CUL3: variants seen among roughly 807,000 people sequenced by gnomAD.
CUL3 encodes the protein cullin 3.
Under a neutral mutation model 89.1 loss-of-function variants are expected in CUL3, and 19 were observed. That is an observed-to-expected ratio of 0.21 (90% CI 0.15 to 0.31). CUL3 has a LOEUF of 0.31. CUL3 is among the 10% of genes least tolerant of loss of function. CUL3 has a pLI of 1.00. For missense variants in CUL3, 469 were observed against 942.3 expected (o/e 0.50, Z 6.58); for synonymous variants, 351 against 308.4 (o/e 1.14, Z -1.45).
chr2:224,496,769 C>G (rs901750361), intron 12 of CUL3, among the ~76,000 whole-genome samples: 1 of 152,020 alleles, frequency 6.6e-6, no homozygotes, highest in African/African-American at 2.4e-5. Flanking sequence ...TTAAGGGATA[C>G]AAAGTGGAAC....
At chr2:224,565,296 G>A (rs1283448620) in intron 1 of CUL3, among the ~76,000 whole-genome samples, 4 of 152,178 alleles carry the variant, frequency 2.6e-5, no homozygotes, top group South Asian at 2.1e-4. Context: ...AGTGGAAGTG[G>A]ATTGTCATAA....
At chr2:224,531,851 A>T (rs1338245583) in intron 3 of CUL3, among the ~76,000 whole-genome samples, 1 of 152,208 alleles carries the variant, frequency 6.6e-6, no homozygotes. Flanking sequence ...TTTGGCTTTA[A>T]AATAGTAATC....
chr2:224,517,425 CA>C (rs1693098647), intron 3 of CUL3, among the ~76,000 whole-genome samples: 1 of 152,182 alleles, frequency 6.6e-6, no homozygotes, highest in Non-Finnish European at 1.5e-5. Flanking sequence ...GTAATCCCAG[CA>C]CTTTGGGAGG....
In CUL3 at chr2:224,506,054, T is replaced by G. The variant is rs1445122491; in HGVS notation, c.1108A>C (p.Ile370Leu). Residue 370 changes from isoleucine (I) to leucine (L), a missense_variant, in exon 8 of 16, where the codon ATT becomes CTT. Coordinates refer to ENST00000264414, the MANE Select transcript of CUL3 (RefSeq NM_003590.5). ...AGAAAATACTCAAAGTCACCCGCAA[T>G]AGTTTGTTTAAAGAGACGGTCATTG... ...FNNDRLFKQT[I>L]AGDFEYFLNL... 6.2e-7 allele frequency: 1 copy of G among 1,612,824 alleles called. No homozygotes were observed. Among genetic ancestry groups the G allele is most frequent in the African/African-American group, 1.3e-5 (1 of 74,892 alleles).
At chr2:224,506,158 A>G (rs1692592659) in intron 7 of CUL3, 26 bp from the exon 8 acceptor site, 5 of 1,480,438 alleles carry the variant, frequency 3.4e-6, no homozygotes, top group Non-Finnish European at 4.5e-6. Flanking sequence ...AAAATTTAGG[A>G]CACATTATAA....
At chr2:224,584,321 G>A (rs1371566979) in intron 1 of CUL3, among the ~76,000 whole-genome samples, 1 of 152,086 alleles carries the variant, frequency 6.6e-6, no homozygotes, top group Non-Finnish European at 1.5e-5. Flanking sequence ...AGGCAATCCT[G>A]CACAAGAGTT....
intron 8 of CUL3, among the ~76,000 whole-genome samples, chr2:224,504,844 T>A (rs1692530987): frequency 6.6e-6 from 1 of 152,194 alleles, no homozygotes; most frequent in Non-Finnish European, 1.5e-5. Context: ...GATGTGAGCA[T>A]GTTTTATGCT....
chr2:224,501,772 G>T (rs1391412066), intron 10 of CUL3, among the ~76,000 whole-genome samples: 10 of 152,158 alleles, frequency 6.6e-5, no homozygotes, highest in African/African-American at 1.9e-4. Flanking sequence ...GGAAGGGAGG[G>T]TCACAAAGTG....
At chr2:224,505,113 C>T (rs1692543130) in intron 8 of CUL3, among the ~76,000 whole-genome samples, 1 of 151,310 alleles carries the variant, frequency 6.6e-6, no homozygotes, top group Non-Finnish European at 1.5e-5. Flanking sequence ...TGACTGTTTA[C>T]CAACTACAGC....
At chr2:224,505,850 G>T in intron 8 of CUL3, 106 bp downstream of exon 8, 1 of 701,446 alleles carries the variant, frequency 1.4e-6, no homozygotes. Context: ...TTTAAGCACA[G>T]CAATGGGTCA....
At chr2:224,515,636 T>G (rs911447349) in intron 3 of CUL3, among the ~76,000 whole-genome samples, 2 of 152,104 alleles carry the variant, frequency 1.3e-5, no homozygotes, top group African/African-American at 4.8e-5. Context: ...AAGGTGAACA[T>G]GAACAGAGCT....
chr2:224,560,153 T>C (rs1559225386), intron 1 of CUL3, among the ~76,000 whole-genome samples: 1 of 152,196 alleles, frequency 6.6e-6, no homozygotes, highest in Non-Finnish European at 1.5e-5. Context: ...CTTGTTTTTC[T>C]TCTACTTCTG....
intron 13 of CUL3, among the ~76,000 whole-genome samples, chr2:224,492,095 T>C (rs1692004952): frequency 6.6e-6 from 1 of 152,198 alleles, no homozygotes; most frequent in Non-Finnish European, 1.5e-5. Flanking sequence ...CTTTTGTATT[T>C]TCCTTGCTCA....
intron 1 of CUL3, among the ~76,000 whole-genome samples, chr2:224,582,028 G>A (rs577558126): frequency 1.3e-5 from 2 of 152,046 alleles, no homozygotes; most frequent in South Asian, 2.1e-4. Context: ...GCAATGGCGC[G>A]ATCTCAGCTC....
intron 13 of CUL3, among the ~76,000 whole-genome samples, chr2:224,492,974 T>C (rs981377190): frequency 2.6e-5 from 4 of 152,104 alleles, no homozygotes; most frequent in African/African-American, 7.2e-5. Flanking sequence ...CTAAGGCCAC[T>C]TAACAACATC....
chr2:224,478,402 G>A (rs1691401613), intron 14 of CUL3, 57 bp from the exon 15 acceptor site: 4 of 1,541,462 alleles, frequency 2.6e-6, no homozygotes, highest in Non-Finnish European at 3.5e-6. Context: ...TGGTTTATAA[G>A]CAAGCTTATT....
chr2:224,534,688 G>A (rs1693817952), intron 3 of CUL3, among the ~76,000 whole-genome samples: 1 of 152,024 alleles, frequency 6.6e-6, no homozygotes. Context: ...GAACAATTAA[G>A]ATTTTTATTC....
chr2:224,499,805 C>A, intron 11 of CUL3: 2 of 211,312 alleles, frequency 9.5e-6, no homozygotes, highest in South Asian at 1.8e-4. Flanking sequence ...CCCTAGTGTT[C>A]ACACGAGTGG....
chr2:224,470,547 A>G lies in CUL3; in HGVS notation c.*3698T>C. On this transcript the variant is annotated 3_prime_UTR_variant, in exon 16 of 16. Transcript: ENST00000264414. ...CCTTCTGGCTAATTTGACATAGGAAAGGCACACAAAGGAAAACATTTTGTA... is the reference window on the plus strand; with the variant it reads ...CCTTCTGGCTAATTTGACATAGGAAGGGCACACAAAGGAAAACATTTTGTA... 4.3e-6 allele frequency: 1 copy of G among 231,764 alleles called. No individual in the cohort carries two copies. Among genetic ancestry groups the G allele is most frequent in the Non-Finnish European group, 8.5e-6 (1 of 117,182 alleles). The allele number at this position is 231,764 out of a possible 1,614,324, so 14.4% of individuals were successfully genotyped here.
Sources: gnomAD v4.1 joint callset for allele counts (sites outside exome capture counted in the v4.1 genomes callset) on GRCh38, gnomAD v4.1.1 for gene constraint, MANE v1.5 for transcripts, NCBI Gene and HGNC (gene_info 2026-07-23, HGNC 2026-07-21) for gene names.